SPECC1: variants seen among roughly 807,000 people sequenced by gnomAD.
SPECC1 encodes the protein cytospin-B.
A neutral mutation model predicts 104.1 loss-of-function variants in SPECC1; 62 were observed. The observed-to-expected ratio is 0.60, with a 90% CI of 0.49 to 0.74. The LOEUF (loss-of-function observed/expected upper bound fraction) is 0.74. Ranked by LOEUF, SPECC1 falls within the 30% of genes least tolerant of loss-of-function variation. SPECC1 has a pLI of 0.00. For synonymous variants in SPECC1, 513 were observed against 501.6 expected, an observed-to-expected ratio of 1.02 and a Z score of -0.30; for missense variants, 1,306 against 1,310.5, an observed-to-expected ratio of 1.00 and a Z score of 0.05.
At chr17:20,288,195 A>G (rs1333824435) in intron 12 of SPECC1, among the ~76,000 whole-genome samples, 3 of 152,116 alleles carry the variant, frequency 2.0e-5, no homozygotes. Flanking sequence ...TCTATCACTG[A>G]TGGGCATTTG....
At chr17:20,134,034 T>G (rs1199401464) in intron 3 of SPECC1, among the ~76,000 whole-genome samples, 2 of 151,914 alleles carry the variant, frequency 1.3e-5, no homozygotes, top group Non-Finnish European at 2.9e-5. Flanking sequence ...ATTCACACAT[T>G]ATATAAGTAT....
intron 4 of SPECC1, among the ~76,000 whole-genome samples, chr17:20,220,976 A>G (rs7218859): frequency 0.25 from 37,741 of 152,110 alleles, 5,868 homozygotes; most frequent in African/African-American, 0.44. Context: ...ACCACATTGC[A>G]TATGTCAAAC....
intron 1 of SPECC1, among the ~76,000 whole-genome samples, chr17:20,040,238 A>G (rs896762328): frequency 6.6e-6 from 1 of 151,944 alleles, no homozygotes; most frequent in East Asian, 1.9e-4. Context: ...CAGTGTTGTC[A>G]TTTTACCACT....
chr17:20,213,971 A>G (rs924141472), intron 4 of SPECC1, among the ~76,000 whole-genome samples: 1 of 152,170 alleles, frequency 6.6e-6, no homozygotes, highest in African/African-American at 2.4e-5. Context: ...TTGTGCAACC[A>G]TCACTACAAT....
At chr17:20,080,905 C>T (rs116174254) in intron 1 of SPECC1, among the ~76,000 whole-genome samples, 1 of 152,202 alleles carries the variant, frequency 6.6e-6, no homozygotes, top group African/African-American at 2.4e-5. Flanking sequence ...TGGGGCCCTC[C>T]TGTGGTCCTT....
chr17:20,125,906 G>A (rs1009094211), intron 3 of SPECC1, among the ~76,000 whole-genome samples: 6 of 152,178 alleles, frequency 3.9e-5, no homozygotes, highest in South Asian at 2.1e-4. Flanking sequence ...GTGGCCCTGC[G>A]TTTCCCGGGA....
chr17:20,102,964 A>G (rs1238108305), intron 2 of SPECC1, among the ~76,000 whole-genome samples: 1 of 152,194 alleles, frequency 6.6e-6, no homozygotes, highest in Non-Finnish European at 1.5e-5. Flanking sequence ...CAACACTCTG[A>G]AGTGGGTACC....
chr17:20,195,027 A>G (rs1230777682), intron 3 of SPECC1, among the ~76,000 whole-genome samples: 1 of 152,196 alleles, frequency 6.6e-6, no homozygotes, highest in Non-Finnish European at 1.5e-5. Flanking sequence ...TGTTTTATGC[A>G]AAGTTTGAAA....
At chr17:20,054,367 G>C (rs2045882694) in intron 1 of SPECC1, among the ~76,000 whole-genome samples, 1 of 152,182 alleles carries the variant, frequency 6.6e-6, no homozygotes, top group South Asian at 2.1e-4. Flanking sequence ...GTGGGTCCCA[G>C]AATCTCCCAC....
At chr17:20,038,266 CTCT>C (rs922201675) in intron 1 of SPECC1, among the ~76,000 whole-genome samples, 4 of 149,216 alleles carry the variant, frequency 2.7e-5, no homozygotes, top group African/African-American at 9.9e-5. Flanking sequence ...GTTTATTTTG[CTCT>C]TCATCTTCTG....
chr17:20,020,564 T>A (rs1383361620), intron 1 of SPECC1, among the ~76,000 whole-genome samples: 2 of 152,102 alleles, frequency 1.3e-5, no homozygotes, highest in African/African-American at 4.8e-5. Flanking sequence ...AAACTCCTAA[T>A]CTTGTGATCC....
At chr17:20,114,150 G>T (rs1200962859) in intron 3 of SPECC1, among the ~76,000 whole-genome samples, 2 of 152,120 alleles carry the variant, frequency 1.3e-5, no homozygotes, top group African/African-American at 4.8e-5. Context: ...ACACCAATCA[G>T]TCAGCACCTA....
At chr17:20,217,080 C>T (rs953667290) in intron 4 of SPECC1, among the ~76,000 whole-genome samples, 5 of 152,094 alleles carry the variant, frequency 3.3e-5, no homozygotes, top group Non-Finnish European at 7.4e-5. Flanking sequence ...CCCCTGCAGT[C>T]GTGGAAGGGT....
chr17:20,183,889 A>C (rs1460455180), intron 3 of SPECC1, among the ~76,000 whole-genome samples: 1 of 152,054 alleles, frequency 6.6e-6, no homozygotes, highest in Admixed American at 6.6e-5. Context: ...GAATGATGTC[A>C]ACCGGGCGTG....
chr17:20,086,066 C>CT (rs74668411), intron 1 of SPECC1, among the ~76,000 whole-genome samples: 16,297 of 152,280 alleles, frequency 0.11, 921 homozygotes, highest in Non-Finnish European at 0.13. Flanking sequence ...TGGCCAGGCA[C>CT]TTTCTGGGAT....
At chr17:20,193,016 G>A (rs1346771324) in intron 3 of SPECC1, among the ~76,000 whole-genome samples, 1 of 152,172 alleles carries the variant, frequency 6.6e-6, no homozygotes, top group Non-Finnish European at 1.5e-5. Flanking sequence ...ACTCCATAGA[G>A]CAGCCCTGAG....
chr17:20,303,808 C>G lies in SPECC1; in HGVS notation c.3058-2215C>G, dbSNP rs143462299. Among the ~76,000 whole-genome samples the G allele has an allele frequency of 3.6e-3, 549 of 151,984 alleles. 20 individuals are homozygous for G. The East Asian group carries it at 0.091, about 25-fold the overall frequency. On this transcript the variant is annotated intron_variant, in intron 13 of 14. Transcript: ENST00000395527. ...TCTCTACTAAAAATACAAAAATTAGCCAGGCGTGGTAGTGGGCGCGTGTAG... is the reference window on the plus strand; with the variant it reads ...TCTCTACTAAAAATACAAAAATTAGGCAGGCGTGGTAGTGGGCGCGTGTAG...
At chr17:20,062,218 A>C (rs2046210841) in intron 1 of SPECC1, among the ~76,000 whole-genome samples, 1 of 149,490 alleles carries the variant, frequency 6.7e-6, no homozygotes, top group Non-Finnish European at 1.5e-5. Flanking sequence ...ACGCCACTGC[A>C]CTCCAGCCTG....
At chr17:20,028,703 C>A (rs1223136438) in intron 1 of SPECC1, among the ~76,000 whole-genome samples, 2 of 150,938 alleles carry the variant, frequency 1.3e-5, no homozygotes, top group Non-Finnish European at 2.9e-5. Context: ...CAAGGTCTTG[C>A]AATTCCATGT....
Sources: allele counts gnomAD v4.1 joint callset (sites outside exome capture counted in the v4.1 genomes callset), GRCh38; gene constraint gnomAD v4.1.1; transcripts MANE v1.5; gene names NCBI Gene and HGNC (gene_info 2026-07-23, HGNC 2026-07-21).